Variants in CHRM5 observed in about 807,000 individuals in gnomAD.
CHRM5 encodes cholinergic receptor muscarinic 5, also known as muscarinic acetylcholine receptor M5.
Under a neutral mutation model 39.0 loss-of-function variants are expected in CHRM5, and 18 were observed. The ratio of observed to expected loss-of-function variants is 0.46; its 90% CI spans 0.32 to 0.68. The LOEUF is 0.68. CHRM5 is among the 30% of genes least tolerant of loss of function. The pLI is 0.04. For missense variants in CHRM5, 515 were observed against 651.1 expected (o/e 0.79, Z 2.28); for synonymous variants, 241 against 246.3 (o/e 0.98, Z 0.20).
chr15:34,016,897 G>C (rs1313613340), intron 1 of CHRM5, among the ~76,000 whole-genome samples: 8 of 152,264 alleles, frequency 5.3e-5, no homozygotes, highest in African/African-American at 1.9e-4. Context: ...GGGAGGCCAA[G>C]GTGGGTGGAT....
intron 1 of CHRM5, among the ~76,000 whole-genome samples, chr15:33,985,723 T>C (rs1303429722): frequency 6.6e-6 from 1 of 152,140 alleles, no homozygotes; most frequent in Non-Finnish European, 1.5e-5. Context: ...AGTAAGTACC[T>C]ATAAGCTAGA....
At position 34,065,621 on chromosome 15, in the gene CHRM5, C is replaced by T. The variant is rs780363861; in HGVS notation, c.*1305C>T. The T allele has an allele frequency of 6.6e-6, 1 of 152,164 alleles. No individual in the cohort carries two copies. Among genetic ancestry groups the T allele is most frequent in the Non-Finnish European group, 1.5e-5 (1 of 68,024 alleles). 9.4% of individuals were successfully genotyped at this position (152,164 alleles called of 1,614,324 possible). Reference sequence around the variant, plus strand: ...GATCTGAAAGCTTCATTTTTAAAAACAAAGTGTAGGTCATAGTAATACATA... The same window carrying T: ...GATCTGAAAGCTTCATTTTTAAAAATAAAGTGTAGGTCATAGTAATACATA... On this transcript the variant is annotated 3_prime_UTR_variant, in exon 3 of 3. Transcript: ENST00000383263.
intron 1 of CHRM5, among the ~76,000 whole-genome samples, chr15:33,997,218 T>C (rs770447124): frequency 1.8e-4 from 28 of 152,248 alleles, no homozygotes; most frequent in Non-Finnish European, 3.8e-4. Context: ...TTTAAAACAA[T>C]GCACTGAAAG....
At chr15:33,971,573 T>C (rs1311056667) in intron 1 of CHRM5, among the ~76,000 whole-genome samples, 1 of 152,098 alleles carries the variant, frequency 6.6e-6, no homozygotes, top group East Asian at 1.9e-4. Context: ...CATAATTTTG[T>C]ATATAAAATT....
intron 1 of CHRM5, among the ~76,000 whole-genome samples, chr15:34,043,311 A>T (rs185168184): frequency 9.2e-5 from 14 of 152,020 alleles, no homozygotes; most frequent in Non-Finnish European, 1.5e-5. Flanking sequence ...AGATGTTATG[A>T]TAGGACTTAG....
chr15:34,034,216 G>A (rs762166316), intron 1 of CHRM5, among the ~76,000 whole-genome samples: 1 of 152,144 alleles, frequency 6.6e-6, no homozygotes, highest in Non-Finnish European at 1.5e-5. Flanking sequence ...GCTGAGGCGG[G>A]AGGACTGCTT....
intron 1 of CHRM5, among the ~76,000 whole-genome samples, chr15:34,008,426 A>G (rs115990013): frequency 0.021 from 3,113 of 150,906 alleles, 127 homozygotes; most frequent in African/African-American, 0.073. Flanking sequence ...TCTCTTAAAA[A>G]GAAAAAAAAA....
At position 34,063,481 on chromosome 15, in the gene CHRM5, G is replaced by T. The variant is rs376737817; in HGVS notation, c.764G>T (p.Arg255Leu). 21 of 1,613,638 alleles carry T rather than the reference G, an allele frequency of 1.3e-5. No individual in the cohort carries two copies. The Middle Eastern group carries it at 6.6e-4, about 51-fold the overall frequency. The part of the protein sequence containing the change: ...AHRALFRSCL[R>L]CPRPTLAQRE... Reference sequence around the variant, plus strand: ...AGGGCTCTGTTCAGATCCTGCTTGCGCTGTCCTCGACCCACCCTGGCCCAG... The same window carrying T: ...AGGGCTCTGTTCAGATCCTGCTTGCTCTGTCCTCGACCCACCCTGGCCCAG... The change falls in exon 3 of 3, where the codon CGC becomes CTC. Residue 255 changes from arginine to leucine, a missense_variant. Arg to Leu is a moderately radical substitution (Grantham distance 102). Coordinates refer to ENST00000383263, the MANE Select transcript of CHRM5 (RefSeq NM_012125.4). This position sits in a 1 kb window ranked among gnomAD's most constrained non-coding sequence, Gnocchi z 4.1.
In CHRM5 at chr15:33,976,662, T is replaced by A. The variant is rs567806873; in HGVS notation, c.-408+7512T>A. On this transcript the variant is annotated intron_variant, in intron 1 of 2. Coordinates refer to ENST00000383263, the MANE Select transcript of CHRM5 (RefSeq NM_012125.4). ...CCTTCTGCAGGCATAATGGTATATC[T>A]CCATTTAAAATATTTTAAATAAATG... Among the ~76,000 whole-genome samples, 9 of 152,156 alleles carry A rather than the reference T, an allele frequency of 5.9e-5. 1 individual carries two copies. In the South Asian group the frequency reaches 1.9e-3, roughly 32 times the overall value.
At chr15:33,987,966 A>C (rs1896550000) in intron 1 of CHRM5, among the ~76,000 whole-genome samples, 1 of 152,166 alleles carries the variant, frequency 6.6e-6, no homozygotes, top group South Asian at 2.1e-4. Flanking sequence ...AAGGAGGTGA[A>C]ATGCATCAAG....
In CHRM5 at chr15:34,066,364, G is replaced by T. The variant is rs945661245; in HGVS notation, c.*2048G>T. The T allele has an allele frequency of 6.6e-6, 1 of 152,216 alleles. No homozygotes were observed. The highest frequency in any genetic ancestry group is 2.4e-5 in the African/African-American group (1 of 41,454). The allele number at this position is 152,216 out of a possible 1,614,324, so 9.4% of individuals were successfully genotyped here. A position where few individuals can be genotyped will look rare whatever the true frequency, so the allele number is the denominator to read the frequency against. On this transcript the variant is annotated 3_prime_UTR_variant, in exon 3 of 3. Coordinates refer to ENST00000383263, the MANE Select transcript of CHRM5 (RefSeq NM_012125.4). The stretch of plus-strand genomic sequence containing the variant: ...AGAATAGGCTTTTAAGCCCATGTTG[G>T]GCATTCACCATTCGCAGTTGAGAGT...
At chr15:34,057,306 T>TTG (rs1156708771) in intron 2 of CHRM5, among the ~76,000 whole-genome samples, 1 of 150,894 alleles carries the variant, frequency 6.6e-6, no homozygotes, top group Admixed American at 6.6e-5. Context: ...CCAGCTAATT[T>TTG]TTTTTTTTTG....
At chr15:34,041,794 T>C (rs1185109382) in intron 1 of CHRM5, among the ~76,000 whole-genome samples, 2 of 152,146 alleles carry the variant, frequency 1.3e-5, no homozygotes, top group Non-Finnish European at 2.9e-5. Flanking sequence ...ATAAGAAAAC[T>C]GAGTTGCAAA....
chr15:34,042,423 G>A (rs527997586), intron 1 of CHRM5, among the ~76,000 whole-genome samples: 32 of 135,722 alleles, frequency 2.4e-4, no homozygotes, highest in African/African-American at 8.1e-4. Context: ...TTTTTGAGAC[G>A]GAGTTTCGCA....
At position 34,003,130 on chromosome 15, in the gene CHRM5, G is replaced by C. The variant is rs1314480255; in HGVS notation, c.-408+33980G>C. The C allele has an allele frequency of 6.8e-6, 11 of 1,613,644 alleles. No individual in the cohort carries two copies. The highest frequency in any genetic ancestry group is 2.5e-6 in the Non-Finnish European group (3 of 1,179,838). On this transcript the variant is annotated intron_variant, in intron 1 of 2. Transcript: ENST00000383263. ...AATATCTTGATATCGATCCCAGTTA[G>C]AGACAATCTTTCTTTTAGAATAATT...
chr15:34,009,731 T>C lies in CHRM5; in HGVS notation c.-407-36809T>C, dbSNP rs539413337. On this transcript the variant is annotated intron_variant, in intron 1 of 2. Transcript: ENST00000383263. ...GGCCAGGCACAGTGGTTCATGCCTG[T>C]AATCCCAATGCTTTGGGAGGCCAAG... Among the ~76,000 whole-genome samples, 8 of 152,284 alleles carry C rather than the reference T, an allele frequency of 5.3e-5. No homozygotes were observed. In the South Asian group the frequency reaches 1.2e-3, roughly 24 times the overall value.
intron 1 of CHRM5, among the ~76,000 whole-genome samples, chr15:34,038,597 C>G (rs1040588828): frequency 1.4e-5 from 2 of 140,816 alleles, no homozygotes; most frequent in African/African-American, 5.8e-5. Flanking sequence ...AAGCGCATAC[C>G]CAGGCGCGCC....
chr15:33,993,151 T>C (rs1167316430), intron 1 of CHRM5, among the ~76,000 whole-genome samples: 1 of 152,162 alleles, frequency 6.6e-6, no homozygotes, highest in African/African-American at 2.4e-5. Flanking sequence ...ATTTGACTTT[T>C]GGGGAAAAAA....
intron 1 of CHRM5, among the ~76,000 whole-genome samples, chr15:34,038,443 C>A (rs984846866): frequency 2.0e-5 from 3 of 152,348 alleles, no homozygotes; most frequent in African/African-American, 7.2e-5. Flanking sequence ...TACAGACAGC[C>A]CAGCCGGCCC....
Sources: gnomAD v4.1 joint callset for allele counts (sites outside exome capture counted in the v4.1 genomes callset) on GRCh38, gnomAD v4.1.1 for gene constraint, Gnocchi (gnomAD v3.1) non-coding constraint, MANE v1.5 for transcripts, NCBI Gene and HGNC (gene_info 2026-07-23, HGNC 2026-07-21) for gene names.